The following FAM120C variants were observed in gnomAD, a reference collection of about 807,000 sequenced individuals.
FAM120C encodes the protein family with sequence similarity 120 member C.
FAM120C carries 14 observed loss-of-function variants against 71.2 expected under a neutral mutation model. The observed-to-expected ratio is 0.20, with a 90% confidence interval of 0.13 to 0.31. The LOEUF is 0.31. Among genes scored for constraint, FAM120C ranks in the 10% least tolerant of loss-of-function variants. The probability of loss-of-function intolerance (pLI) is 1.00; values close to 1 mark genes in which losing one functional copy is unlikely to be tolerated. For synonymous variants in FAM120C, 354 were observed against 353.2 expected, an observed-to-expected ratio of 1.00 and a Z score of -0.03; for missense variants, 500 against 879.0, an observed-to-expected ratio of 0.57 and a Z score of 5.45.
intron 11 of FAM120C, 71 bp downstream of exon 11, chrX:54,091,241 A>G (rs2066822647): frequency 2.9e-6 from 2 of 698,869 alleles, no homozygotes; most frequent in Non-Finnish European, 4.3e-6. Flanking sequence ...AGCTTCAGGA[A>G]AAAAAAAAGA....
intron 9 of FAM120C, among the ~76,000 whole-genome samples, chrX:54,125,979 T>C (rs2067025460): frequency 8.9e-6 from 1 of 112,587 alleles, no homozygotes; most frequent in African/African-American, 3.2e-5. Flanking sequence ...GGACTGTAAA[T>C]GGTCTTGCAC....
intron 10 of FAM120C, among the ~76,000 whole-genome samples, chrX:54,094,083 C>CTTTT (rs35721972): frequency 1.9e-3 from 118 of 61,429 alleles, no homozygotes; most frequent in East Asian, 3.3e-3. Flanking sequence ...TCCACGACTC[C>CTTTT]TTTTTTTTTT....
chrX:54,117,354 A>AAAAATAAAATAAAAAAAAAT (rs2066973645), intron 9 of FAM120C, among the ~76,000 whole-genome samples: 1 of 60,351 alleles, frequency 1.7e-5, no homozygotes, highest in Non-Finnish European at 3.0e-5. Flanking sequence ...TCCTGTCTCT[A>AAAAATAAAATAAAAAAAAAT]AAAATAAAAT....
At position 54,081,351 on chromosome X, in the gene FAM120C, T is replaced by C. The variant is rs782683151; in HGVS notation, c.2949A>G (p.Gln983=). The change falls in exon 14 of 16, where the codon CAA becomes CAG. Residue 983 remains glutamine (Q), a synonymous_variant. Transcript: ENST00000375180. ...TTCCTGGCCCACCGACAGAAACCAC[T>C]TGCATGCCGAAGGATCCTCGGCCCC... is the stretch of plus-strand genomic sequence containing the variant. ...SSRGRGSFGM[Q]VVSVGGPGKG... is the part of the protein sequence containing the mutation. The C allele has an allele frequency of 2.5e-6, 3 of 1,209,625 alleles. No individual in the cohort carries two copies. Among genetic ancestry groups the C allele is most frequent in the South Asian group, 1.8e-5 (1 of 56,715 alleles).
In FAM120C at chrX:54,118,263, T is replaced by C. The variant is rs2066983316; in HGVS notation, c.2063-1469A>G. ...GAACCTGGCATTTTCACTCAGCATA[T>C]GCCCTTAAGATCCATCCATGTTGCT... On this transcript the variant is annotated intron_variant, in intron 9 of 15. Transcript: ENST00000375180. Among the ~76,000 whole-genome samples, 3 of 110,220 alleles carry C rather than the reference T, an allele frequency of 2.7e-5. No individual in the cohort carries two copies. The Admixed American group carries it at 3.0e-4, about 11-fold the overall frequency.
intron 3 of FAM120C, among the ~76,000 whole-genome samples, chrX:54,152,862 T>C (rs1461645209): frequency 2.7e-5 from 3 of 111,428 alleles, no homozygotes; most frequent in Non-Finnish European, 5.7e-5. Context: ...AGTGTAGATG[T>C]GTTGGGATAG....
intron 13 of FAM120C, among the ~76,000 whole-genome samples, chrX:54,083,880 C>T (rs782084692): frequency 1.8e-5 from 2 of 110,583 alleles, no homozygotes; most frequent in South Asian, 3.9e-4. Context: ...CCACCATGCC[C>T]GGCTAATTTT....
At position 54,072,848 on chromosome X, in the gene FAM120C, A is replaced by G; in HGVS notation, c.*185T>C. On this transcript the variant is annotated 3_prime_UTR_variant, in exon 16 of 16. Coordinates refer to ENST00000375180, the MANE Select transcript of FAM120C (RefSeq NM_017848.6). Reference sequence around the variant, plus strand: ...CTTTGACCAGAACTTCTCCAGAAACAGACCACTGAATCTGAAGTCCCAGAA... The same window carrying G: ...CTTTGACCAGAACTTCTCCAGAAACGGACCACTGAATCTGAAGTCCCAGAA... The G allele has an allele frequency of 2.1e-6, 1 of 468,120 alleles. No individual in the cohort carries two copies. Among genetic ancestry groups the G allele is most frequent in the Non-Finnish European group, 3.4e-6 (1 of 290,370 alleles). The allele number at this position is 468,120 out of a possible 1,213,427, so 38.6% of individuals were successfully genotyped here.
intron 1 of FAM120C, among the ~76,000 whole-genome samples, chrX:54,173,629 C>T (rs923161715): frequency 8.0e-5 from 9 of 112,452 alleles, no homozygotes; most frequent in Non-Finnish European, 1.5e-4. Context: ...TTTATTTAGA[C>T]GTATATGAAA....
chrX:54,161,287 C>T (rs2067234883), intron 1 of FAM120C, among the ~76,000 whole-genome samples: 1 of 111,601 alleles, frequency 9.0e-6, no homozygotes, highest in African/African-American at 3.3e-5. Flanking sequence ...CCTCACCATG[C>T]AGGTATTAGA....
chrX:54,123,674 G>T (rs1490055082), intron 9 of FAM120C, among the ~76,000 whole-genome samples: 2 of 47,262 alleles, frequency 4.2e-5, no homozygotes, highest in African/African-American at 1.7e-4. Context: ...ATGTCCTCCC[G>T]TAGCTCAGAG....
chrX:54,116,422 C>A (rs971035679), intron 10 of FAM120C, 123 bp downstream of exon 10: 5 of 784,478 alleles, frequency 6.4e-6, no homozygotes, highest in East Asian at 3.5e-5. Context: ...GTGTTTCTGG[C>A]GCATAAGCCA....
At chrX:54,124,647 C>T (rs1271680377) in intron 9 of FAM120C, among the ~76,000 whole-genome samples, 5 of 103,880 alleles carry the variant, frequency 4.8e-5, no homozygotes, top group Non-Finnish European at 7.9e-5. Flanking sequence ...GAACCCGGTA[C>T]CTCAGATGGA....
chrX:54,081,707 G>A (rs2066766297), intron 13 of FAM120C, among the ~76,000 whole-genome samples: 1 of 106,412 alleles, frequency 9.4e-6, no homozygotes, highest in African/African-American at 3.4e-5. Context: ...CCAGGAGGTG[G>A]AGGTTGCAGT....
intron 10 of FAM120C, 116 bp downstream of exon 10, chrX:54,116,429 G>A: frequency 1.2e-6 from 1 of 866,994 alleles, no homozygotes; most frequent in Non-Finnish European, 1.6e-6. Context: ...TGGCGCATAA[G>A]CCAAACATAA....
At position 54,182,800 on chromosome X, in the gene FAM120C, G is replaced by A. The variant is rs2067358027; in HGVS notation, c.399C>T (p.Tyr133=). ...GSALPRLYGG[Y]QTDWVCGGQW... ...GGCCGCCACACACCCAATCCGTCTG[G>A]TAGCCGCCATAGAGCCGCGGCAGCG... Residue 133 remains tyrosine, a synonymous_variant, in exon 1 of 16, where the codon TAC becomes TAT. Transcript: ENST00000375180. 1.7e-6 allele frequency: 2 copies of A among 1,201,642 alleles called. No homozygotes were observed. Among genetic ancestry groups the A allele is most frequent in the African/African-American group, 3.5e-5 (2 of 57,873 alleles).
intron 9 of FAM120C, among the ~76,000 whole-genome samples, chrX:54,125,134 G>C (rs1179723313): frequency 9.2e-6 from 1 of 108,415 alleles, no homozygotes; most frequent in African/African-American, 3.4e-5. Context: ...GCTTGAGCCC[G>C]GGAGGCAGAG....
rs144683618 is a variant in FAM120C, at chrX:54,164,497, G to A, written c.700-4881C>T. 1.3e-3 allele frequency among the ~76,000 whole-genome samples: 144 copies of A among 111,615 alleles called. 1 individual carries two copies. The highest frequency in any genetic ancestry group is 2.0e-3 in the Non-Finnish European group (107 of 53,103). Reference sequence around the variant, plus strand: ...ACTACTTTAGGTACCTCATATAAGCGGAATCATATGGAATTTGTCCTTTTG... The same window carrying A: ...ACTACTTTAGGTACCTCATATAAGCAGAATCATATGGAATTTGTCCTTTTG... On this transcript the variant is annotated intron_variant, in intron 1 of 15. Coordinates refer to ENST00000375180, the MANE Select transcript of FAM120C (RefSeq NM_017848.6).
chrX:54,180,160 T>A (rs2067340561), intron 1 of FAM120C, among the ~76,000 whole-genome samples: 1 of 111,774 alleles, frequency 8.9e-6, no homozygotes, highest in Admixed American at 9.4e-5. Context: ...CAAAAAAAAC[T>A]TTGGAAACCA....
Sources: allele counts gnomAD v4.1 joint callset (sites outside exome capture counted in the v4.1 genomes callset), GRCh38; gene constraint gnomAD v4.1.1; transcripts MANE v1.5; gene names NCBI Gene and HGNC (gene_info 2026-07-23, HGNC 2026-07-21).